Variants in ERICH6B observed in about 807,000 individuals in gnomAD.
The protein encoded by ERICH6B is glutamate rich 6B.
ERICH6B carries 69 observed loss-of-function variants against 80.0 expected under a neutral mutation model. The observed-to-expected ratio is 0.86, with a 90% CI of 0.71 to 1.05. The LOEUF (loss-of-function observed/expected upper bound fraction) is 1.05, where lower values mean the gene tolerates loss of function less well. ERICH6B is among the 50% of genes least tolerant of loss of function. The pLI, the probability that ERICH6B is intolerant of heterozygous loss-of-function variation, is 0.00. For synonymous variants in ERICH6B, 283 were observed against 291.9 expected (o/e 0.97, Z 0.31); for missense variants, 754 against 796.1 (o/e 0.95, Z 0.64).
At chr13:45,559,280 T>TG (rs1874568113) in intron 11 of ERICH6B, among the ~76,000 whole-genome samples, 1 of 152,188 alleles carries the variant, frequency 6.6e-6, no homozygotes, top group South Asian at 2.1e-4. Flanking sequence ...TGAATTTATT[T>TG]GGATTTTCTC....
intron 11 of ERICH6B, among the ~76,000 whole-genome samples, chr13:45,558,106 C>T (rs181926401): frequency 1.0e-3 from 155 of 152,292 alleles, no homozygotes; most frequent in African/African-American, 3.7e-3. Flanking sequence ...TCTATCATTT[C>T]TTTCAGCAGT....
intron 10 of ERICH6B, 98 bp downstream of exon 10, chr13:45,563,628 GC>G (rs766979023): frequency 3.1e-5 from 35 of 1,115,952 alleles, no homozygotes; most frequent in East Asian, 1.5e-4. Context: ...GAGTGAATGA[GC>G]CCTTCCACCT....
At chr13:45,606,529 ATATATATATATATATATAT>A (rs1949864145) in intron 2 of ERICH6B, among the ~76,000 whole-genome samples, 2 of 23,112 alleles carry the variant, frequency 8.7e-5, no homozygotes, top group African/African-American at 3.0e-4. Flanking sequence ...ATATATATAT[ATATATATATATATATATAT>A]TTTTTTTTTT....
At chr13:45,545,491 A>G (rs1873957747) in intron 13 of ERICH6B, among the ~76,000 whole-genome samples, 1 of 152,244 alleles carries the variant, frequency 6.6e-6, no homozygotes, top group African/African-American at 2.4e-5. Flanking sequence ...TACCAAAACA[A>G]CCCATAGCTC....
chr13:45,605,507 A>T (rs1949852968), intron 2 of ERICH6B, among the ~76,000 whole-genome samples: 2 of 152,230 alleles, frequency 1.3e-5, no homozygotes, highest in East Asian at 3.8e-4. Flanking sequence ...CTTATAGATG[A>T]CAGCACTAAG....
intron 8 of ERICH6B, among the ~76,000 whole-genome samples, chr13:45,569,778 G>A (rs1566292956): frequency 6.6e-6 from 1 of 152,284 alleles, no homozygotes; most frequent in Non-Finnish European, 1.5e-5. Context: ...AGAAAGCTGG[G>A]GTGCTTTAGG....
rs1566295865 is a variant in ERICH6B, at chr13:45,577,274, A to ACCTTTTTTTT, written c.962-2345_962-2344insAAAAAAAAGG. 8.2e-4 allele frequency among the ~76,000 whole-genome samples: 91 copies of ACCTTTTTTTT among 110,788 alleles called. 1 individual carries two copies. Among genetic ancestry groups the ACCTTTTTTTT allele is most frequent in the African/African-American group, 3.3e-3 (83 of 24,982 alleles). The allele number at this position is 110,788 out of a possible 152,430, so 72.7% of individuals were successfully genotyped here. A position where few individuals can be genotyped will look rare whatever the true frequency, so the allele number is the denominator to read the frequency against. On this transcript the variant is annotated intron_variant, in intron 7 of 14. Transcript: ENST00000298738. ...CTTCTCCTGGACTGATTAAAAACAAATCTTTTTTTTTTTTTTTTTTTTTTT... is the reference window on the plus strand; with the variant it reads ...CTTCTCCTGGACTGATTAAAAACAAACCTTTTTTTTTCTTTTTTTTTTTTTTTTTTTTTTT...
At position 45,576,777 on chromosome 13, in the gene ERICH6B, A is replaced by C. The variant is rs193197628; in HGVS notation, c.962-1847T>G. On this transcript the variant is annotated intron_variant, in intron 7 of 14. Coordinates refer to ENST00000298738, the MANE Select transcript of ERICH6B (RefSeq NM_182542.3). ...AAAGGAAGTGTTTATTACGGGAATA[A>C]GGTGAACTGGGCAGCACTGAATACT... Among the ~76,000 whole-genome samples, 36 of 152,308 alleles carry C rather than the reference A, an allele frequency of 2.4e-4. No individual in the cohort carries two copies. In the East Asian group the frequency reaches 6.7e-3, roughly 29 times the overall value.
intron 7 of ERICH6B, among the ~76,000 whole-genome samples, chr13:45,577,150 T>C (rs1875440476): frequency 6.6e-6 from 1 of 152,040 alleles, no homozygotes; most frequent in African/African-American, 2.4e-5. Flanking sequence ...GCTCCTTATC[T>C]GTGCAATGGG....
At chr13:45,611,355 T>C (rs1042357573) in intron 1 of ERICH6B, among the ~76,000 whole-genome samples, 1 of 152,214 alleles carries the variant, frequency 6.6e-6, no homozygotes, top group Non-Finnish European at 1.5e-5. Flanking sequence ...ATAAGATTAA[T>C]TCTCAAATAC....
At chr13:45,560,681 T>C (rs929727934) in intron 11 of ERICH6B, among the ~76,000 whole-genome samples, 1 of 152,238 alleles carries the variant, frequency 6.6e-6, no homozygotes, top group Admixed American at 6.5e-5. Context: ...GCTTTGTCTT[T>C]TCCAGAATGT....
chr13:45,594,977 G>A (rs1876302813), intron 3 of ERICH6B, among the ~76,000 whole-genome samples: 2 of 152,140 alleles, frequency 1.3e-5, no homozygotes, highest in Non-Finnish European at 2.9e-5. Flanking sequence ...AGCACAAGGA[G>A]GCTGCTGCCA....
chr13:45,555,323 A>G (rs1017131486), intron 11 of ERICH6B: 1 of 152,228 alleles, frequency 6.6e-6, no homozygotes, highest in Non-Finnish European at 1.5e-5. Flanking sequence ...TCTCCTGTCT[A>G]TAGGAGTTCT....
intron 11 of ERICH6B, among the ~76,000 whole-genome samples, chr13:45,557,824 G>T (rs1874503107): frequency 6.6e-6 from 1 of 152,156 alleles, no homozygotes. Flanking sequence ...TGCTGTTTTG[G>T]TGACTATGGC....
At chr13:45,604,533 A>C (rs1949846124) in intron 2 of ERICH6B, among the ~76,000 whole-genome samples, 1 of 152,204 alleles carries the variant, frequency 6.6e-6, no homozygotes, top group Non-Finnish European at 1.5e-5. Context: ...TTCATAGGTA[A>C]GGAAAATCAA....
Position 45,587,198 on chromosome 13 carries a change from AG to A in ERICH6B, c.720del (p.Phe241SerfsTer2). On this transcript the variant is annotated frameshift_variant, in exon 5 of 15. Coordinates refer to ENST00000298738, the MANE Select transcript of ERICH6B (RefSeq NM_182542.3). LOFTEE classifies it high-confidence loss of function. The part of the protein sequence containing the change: ...SPDAGPSQVT[T>X]FLTVPLTFAT... ...GCGAAAGTCAACGGGACAGTCAAGA[AG>A]GTGGTCACCTGAGAGGGGCCAGCGT... is the stretch of plus-strand genomic sequence containing the variant. The A allele has an allele frequency of 6.4e-7, 1 of 1,551,708 alleles. No homozygotes were observed. The highest frequency in any genetic ancestry group is 8.7e-7 in the Non-Finnish European group (1 of 1,146,988).
At chr13:45,542,136 A>G (rs1566281827) in intron 14 of ERICH6B, among the ~76,000 whole-genome samples, 1 of 152,308 alleles carries the variant, frequency 6.6e-6, no homozygotes, top group East Asian at 1.9e-4. Context: ...GGCCTGGCCC[A>G]GGGAGGCCGC....
At position 45,549,962 on chromosome 13, in the gene ERICH6B, T is replaced by C. The variant is rs1197076152; in HGVS notation, c.1577A>G (p.Glu526Gly). ...GTTGATAAGGGCCCGGATCCTCCCT[T>C]CTAGACTGTCTTCCAGAATGATGTA... Reference protein sequence around the residue: ...FTYIILEDSLEGRIRALINNS... With the variant: ...FTYIILEDSLGGRIRALINNS... Residue 526 changes from glutamate (E) to glycine (G), a missense_variant, in exon 13 of 15, where the codon GAA becomes GGA. Coordinates refer to ENST00000298738, the MANE Select transcript of ERICH6B (RefSeq NM_182542.3). 1 of 1,551,626 alleles carries C rather than the reference T, an allele frequency of 6.4e-7. No individual in the cohort carries two copies. The highest frequency in any genetic ancestry group is 8.7e-7 in the Non-Finnish European group (1 of 1,147,016).
intron 3 of ERICH6B, among the ~76,000 whole-genome samples, chr13:45,595,200 T>C (rs1324576954): frequency 6.6e-6 from 1 of 152,074 alleles, no homozygotes; most frequent in African/African-American, 2.4e-5. Context: ...GAAATAGAGA[T>C]CTCTGATAAA....
Sources: gnomAD v4.1 joint callset for allele counts (sites outside exome capture counted in the v4.1 genomes callset) on GRCh38, gnomAD v4.1.1 for gene constraint, MANE v1.5 for transcripts, NCBI Gene and HGNC (gene_info 2026-07-23, HGNC 2026-07-21) for gene names.